The following HMBOX1 variants were observed in gnomAD, a reference collection of about 807,000 sequenced individuals.
HMBOX1 encodes homeobox containing 1.
In HMBOX1, 14 loss-of-function variants were observed where a neutral mutation model predicts 54.5. That is an observed-to-expected ratio of 0.26 (90% CI 0.17 to 0.40). The LOEUF (loss-of-function observed/expected upper bound fraction) is 0.40. Among genes scored for constraint, HMBOX1 ranks in the 10% least tolerant of loss-of-function variants. HMBOX1 has a pLI of 1.00. For synonymous variants in HMBOX1, 160 were observed against 181.0 expected, an observed-to-expected ratio of 0.88 and a Z score of 0.93; for missense variants, 332 against 514.4, an observed-to-expected ratio of 0.65 and a Z score of 3.43.
intron 4 of HMBOX1, among the ~76,000 whole-genome samples, chr8:28,984,483 A>G (rs1829888421): frequency 6.6e-6 from 1 of 152,232 alleles, no homozygotes; most frequent in South Asian, 2.1e-4. Flanking sequence ...CAAGAAGTTC[A>G]TGGGTGGGGT....
At chr8:28,905,357 A>G (rs201026571) in intron 1 of HMBOX1, among the ~76,000 whole-genome samples, 6 of 150,032 alleles carry the variant, frequency 4.0e-5, no homozygotes, top group East Asian at 2.3e-4. Flanking sequence ...ACACGCACGC[A>G]CACACACACA....
At chr8:28,975,858 T>G (rs1296616203) in intron 3 of HMBOX1, among the ~76,000 whole-genome samples, 5 of 152,006 alleles carry the variant, frequency 3.3e-5, no homozygotes, top group African/African-American at 1.2e-4. Flanking sequence ...AGAATTAGAT[T>G]TAGAGTAAAT....
chr8:28,917,575 T>C (rs1322312137), intron 1 of HMBOX1, among the ~76,000 whole-genome samples: 1 of 152,136 alleles, frequency 6.6e-6, no homozygotes, highest in Non-Finnish European at 1.5e-5. Flanking sequence ...CTAAAACTTT[T>C]GGTATGATAC....
At chr8:28,985,045 TG>T (rs1385041241) in intron 4 of HMBOX1, among the ~76,000 whole-genome samples, 1 of 152,256 alleles carries the variant, frequency 6.6e-6, no homozygotes, top group Non-Finnish European at 1.5e-5. Flanking sequence ...AATAGCCTTG[TG>T]ACCCAGAGTC....
intron 1 of HMBOX1, among the ~76,000 whole-genome samples, chr8:28,958,369 C>T (rs1824848094): frequency 6.6e-6 from 1 of 152,086 alleles, no homozygotes. Flanking sequence ...AATATTTTTG[C>T]CAGTTAATTC....
chr8:28,967,123 A>G (rs1389403818), intron 2 of HMBOX1, among the ~76,000 whole-genome samples: 1 of 152,226 alleles, frequency 6.6e-6, no homozygotes, highest in African/African-American at 2.4e-5. Context: ...GAACACAGTT[A>G]TGGTGACTGT....
At chr8:28,990,145 C>A (rs543400398) in intron 4 of HMBOX1, among the ~76,000 whole-genome samples, 62 of 152,230 alleles carry the variant, frequency 4.1e-4, no homozygotes, top group African/African-American at 1.5e-3. Flanking sequence ...GATAATTTTA[C>A]TTCTTCCTTT....
intron 1 of HMBOX1, among the ~76,000 whole-genome samples, chr8:28,915,170 G>A (rs574926219): frequency 3.9e-5 from 6 of 152,050 alleles, no homozygotes; most frequent in South Asian, 2.1e-4. Flanking sequence ...CTATCCAATA[G>A]GAATATAATG....
chr8:28,896,140 A>G (rs1446933307), intron 1 of HMBOX1, among the ~76,000 whole-genome samples: 2 of 152,240 alleles, frequency 1.3e-5, no homozygotes, highest in South Asian at 4.1e-4. Context: ...CCATCAATAG[A>G]CTGGGGATAA....
intron 1 of HMBOX1, among the ~76,000 whole-genome samples, chr8:28,922,019 C>T (rs1189536142): frequency 6.6e-6 from 1 of 152,090 alleles, no homozygotes; most frequent in Non-Finnish European, 1.5e-5. Flanking sequence ...GGAAAAGCTA[C>T]AGGGAGGAGG....
intron 1 of HMBOX1, among the ~76,000 whole-genome samples, chr8:28,919,813 TA>T (rs570340504): frequency 4.3e-4 from 65 of 152,334 alleles, no homozygotes; most frequent in African/African-American, 1.4e-3. Flanking sequence ...ACACATGACC[TA>T]AGCAAGAACA....
At chr8:28,971,084 TAC>T (rs1490355000) in intron 3 of HMBOX1, among the ~76,000 whole-genome samples, 1 of 123,496 alleles carries the variant, frequency 8.1e-6, no homozygotes, top group Admixed American at 1.0e-4. Flanking sequence ...AAAAGAAATC[TAC>T]TTTTTTTTTT....
chr8:28,976,898 G>A (rs186568799), intron 3 of HMBOX1, among the ~76,000 whole-genome samples: 24 of 151,834 alleles, frequency 1.6e-4, no homozygotes, highest in African/African-American at 5.6e-4. Flanking sequence ...TGGTAGAGAC[G>A]AGGTCTCATC....
chr8:29,047,327 A>T (rs757814389), intron 7 of HMBOX1, 31 bp from the exon 8 acceptor site: 2 of 1,224,188 alleles, frequency 1.6e-6, no homozygotes, highest in South Asian at 2.4e-5. Context: ...CCAGATATAG[A>T]TTATCTGAAT....
At chr8:29,010,249 T>TG in intron 5 of HMBOX1, 4 of 591,494 alleles carry the variant, frequency 6.8e-6, no homozygotes, top group Non-Finnish European at 8.5e-6. Flanking sequence ...CTGTTTACTC[T>TG]TTCTTAGATA....
chr8:29,028,234 C>A (rs1802381811), intron 6 of HMBOX1, among the ~76,000 whole-genome samples: 1 of 152,064 alleles, frequency 6.6e-6, no homozygotes, highest in Non-Finnish European at 1.5e-5. Context: ...GCATCACAAC[C>A]ACAATACTAT....
intron 1 of HMBOX1, among the ~76,000 whole-genome samples, chr8:28,929,607 G>T (rs1442194819): frequency 6.6e-6 from 1 of 152,138 alleles, no homozygotes; most frequent in Non-Finnish European, 1.5e-5. Context: ...TCTCTTTATT[G>T]AACTAGGATG....
intron 4 of HMBOX1, among the ~76,000 whole-genome samples, chr8:28,983,359 C>G (rs1024421523): frequency 6.6e-6 from 1 of 152,156 alleles, no homozygotes; most frequent in African/African-American, 2.4e-5. Context: ...AGAATTCTGC[C>G]CAGTTGGATG....
chr8:29,041,635 A>G (rs1021331857), intron 6 of HMBOX1, among the ~76,000 whole-genome samples: 3 of 152,136 alleles, frequency 2.0e-5, no homozygotes, highest in African/African-American at 7.2e-5. Flanking sequence ...ATTGGCCAAG[A>G]GGTGATATTT....
Sources: gnomAD v4.1 joint callset for allele counts (sites outside exome capture counted in the v4.1 genomes callset) on GRCh38, gnomAD v4.1.1 for gene constraint, MANE v1.5 for transcripts, NCBI Gene and HGNC (gene_info 2026-07-23, HGNC 2026-07-21) for gene names.